Variants in UNC13B observed in about 807,000 individuals in gnomAD.
The protein encoded by UNC13B is unc-13 homolog B.
UNC13B carries 144 observed loss-of-function variants against 211.0 expected under a neutral mutation model. That is an observed-to-expected ratio of 0.68 (90% confidence interval 0.60 to 0.78). The LOEUF (loss-of-function observed/expected upper bound fraction) is 0.78. Ranked by LOEUF, UNC13B falls within the 30% of genes least tolerant of loss-of-function variation. The probability of loss-of-function intolerance (pLI) is 0.00; values close to 1 mark genes in which losing one functional copy is unlikely to be tolerated. For missense variants in UNC13B, 1,777 were observed against 2,002.0 expected, an observed-to-expected ratio of 0.89 and a Z score of 2.14; for synonymous variants, 709 against 725.8, an observed-to-expected ratio of 0.98 and a Z score of 0.37.
At position 35,366,987 on chromosome 9, in the gene UNC13B, C is replaced by G; in HGVS notation, c.9455C>G (p.Pro3152Arg). ...GACCCCTCTCTGCCTCAGTGGCTCC[C>G]GGAAGGGTAAGTAATTCACTGCAAG... is the stretch of plus-strand genomic sequence containing the variant. ...DGDPSLPQWLPEGPAGGLYGI... is the reference protein window; with the variant it reads ...DGDPSLPQWLREGPAGGLYGI... Residue 3152 changes from proline to arginine, a missense_variant, in exon 12 of 40, where the codon CCG (proline) becomes CGG (arginine). Pro to Arg is a moderately radical substitution (Grantham distance 103). Transcript: ENST00000635942. The G allele has an allele frequency of 6.2e-7, 1 of 1,613,658 alleles. No homozygotes were observed. Among genetic ancestry groups the G allele is most frequent in the Non-Finnish European group, 8.5e-7 (1 of 1,179,606 alleles).
At chr9:35,377,966 G>C (rs949328663) in intron 16 of UNC13B, among the ~76,000 whole-genome samples, 1 of 151,768 alleles carries the variant, frequency 6.6e-6, no homozygotes. Flanking sequence ...GATATTATAA[G>C]AGGTGGGGGG....
At chr9:35,318,578 G>A (rs1472663085) in intron 11 of UNC13B, among the ~76,000 whole-genome samples, 1 of 152,122 alleles carries the variant, frequency 6.6e-6, no homozygotes, top group Non-Finnish European at 1.5e-5. Flanking sequence ...TTTTGTATTT[G>A]GAGATCCTTC....
intron 11 of UNC13B, among the ~76,000 whole-genome samples, chr9:35,315,455 A>G (rs774077782): frequency 6.6e-6 from 1 of 152,184 alleles, no homozygotes; most frequent in Non-Finnish European, 1.5e-5. Context: ...AGATGCTCCA[A>G]CTATTCACAT....
intron 1 of UNC13B, among the ~76,000 whole-genome samples, chr9:35,185,997 C>A (rs907315092): frequency 6.6e-6 from 1 of 151,638 alleles, no homozygotes; most frequent in Non-Finnish European, 1.5e-5. Context: ...TGGACCTCCC[C>A]CCTTGGCCAA....
At chr9:35,297,561 T>TTTTTTTTTTTTGTTTTTTTG in intron 8 of UNC13B, among the ~76,000 whole-genome samples, 1,782 of 128,080 alleles carry the variant, frequency 0.014, 36 homozygotes, top group Non-Finnish European at 0.022. Flanking sequence ...TTTTTTTTTT[T>TTTTTTTTTTTTGTTTTTTTG]TTTTTTGAGA....
At chr9:35,367,301 G>A (rs1833835295) in intron 12 of UNC13B, among the ~76,000 whole-genome samples, 1 of 152,106 alleles carries the variant, frequency 6.6e-6, no homozygotes, top group East Asian at 1.9e-4. Flanking sequence ...TCTTTAAGTA[G>A]AACAAAGAGG....
chr9:35,173,887 G>A (rs188894523), intron 1 of UNC13B, among the ~76,000 whole-genome samples: 2 of 152,260 alleles, frequency 1.3e-5, no homozygotes, highest in African/African-American at 4.8e-5. Context: ...CTTTCCATAT[G>A]TTACCTCATC....
intron 26 of UNC13B, among the ~76,000 whole-genome samples, chr9:35,395,870 C>T (rs1048568464): frequency 3.2e-4 from 49 of 152,170 alleles, no homozygotes; most frequent in African/African-American, 1.1e-3. Flanking sequence ...TATTTGCATA[C>T]TTCCCTGAGA....
chr9:35,221,212 G>A (rs1824546801), intron 1 of UNC13B, among the ~76,000 whole-genome samples: 1 of 152,088 alleles, frequency 6.6e-6, no homozygotes, highest in African/African-American at 2.4e-5. Context: ...GGGACCACAG[G>A]TGCATGCCAC....
chr9:35,267,885 A>C (rs1239624683), intron 7 of UNC13B, among the ~76,000 whole-genome samples: 1 of 152,160 alleles, frequency 6.6e-6, no homozygotes, highest in Non-Finnish European at 1.5e-5. Context: ...GAATGGGGAA[A>C]TATCAAGATA....
intron 11 of UNC13B, among the ~76,000 whole-genome samples, chr9:35,348,651 A>G (rs1385392005): frequency 6.6e-6 from 1 of 152,232 alleles, no homozygotes; most frequent in Non-Finnish European, 1.5e-5. Flanking sequence ...GACTTGCCAC[A>G]TCAGTAGCAA....
At chr9:35,370,813 AG>A (rs1434902402) in intron 13 of UNC13B, among the ~76,000 whole-genome samples, 1 of 152,216 alleles carries the variant, frequency 6.6e-6, no homozygotes, top group African/African-American at 2.4e-5. Flanking sequence ...GTCAAGCAAA[AG>A]TCTCTTCTCA....
rs867383718 is a variant in UNC13B, at chr9:35,221,397, T to G, written c.23-6618T>G. On this transcript the variant is annotated intron_variant, in intron 1 of 39. Transcript: ENST00000635942. ...TCCGTCTTGTTTTGACAAATATCTATTCAGGTCTTTTGCCTGTTTTTAAAT... is the reference window on the plus strand; with the variant it reads ...TCCGTCTTGTTTTGACAAATATCTAGTCAGGTCTTTTGCCTGTTTTTAAAT... Among the ~76,000 whole-genome samples, 24 of 152,330 alleles carry G rather than the reference T, an allele frequency of 1.6e-4. 1 individual carries two copies. Among genetic ancestry groups the G allele is most frequent in the South Asian group, 6.2e-4 (3 of 4,828 alleles).
chr9:35,359,840 C>G (rs866493155), intron 11 of UNC13B, among the ~76,000 whole-genome samples: 22 of 152,190 alleles, frequency 1.4e-4, no homozygotes, highest in African/African-American at 5.3e-4. Flanking sequence ...CTTCTAGAAC[C>G]TTGTCCCTCT....
chr9:35,230,150 A>G (rs1015010182), intron 2 of UNC13B, among the ~76,000 whole-genome samples: 1 of 152,050 alleles, frequency 6.6e-6, no homozygotes, highest in African/African-American at 2.4e-5. Flanking sequence ...CAGGTTAGAG[A>G]ATTTCCTTTT....
At chr9:35,341,914 C>T (rs779952749) in intron 11 of UNC13B, 39 of 985,438 alleles carry the variant, frequency 4.0e-5, no homozygotes, top group Middle Eastern at 5.2e-4. Flanking sequence ...AGCCCAGAAT[C>T]GATTGAGTTA....
At chr9:35,389,798 C>G in intron 24 of UNC13B, 48 bp from the exon 25 acceptor site, 1 of 1,605,492 alleles carries the variant, frequency 6.2e-7, no homozygotes, top group Non-Finnish European at 8.5e-7. Context: ...CCTCTACATT[C>G]TACTCTGACT....
intron 11 of UNC13B, among the ~76,000 whole-genome samples, chr9:35,316,060 T>C (rs559150439): frequency 3.0e-4 from 45 of 152,216 alleles, no homozygotes; most frequent in Non-Finnish European, 5.4e-4. Context: ...CCTCTGTAAT[T>C]GTTAAGTGCC....
chr9:35,375,958 C>T (rs1834373505), intron 14 of UNC13B, 70 bp from the exon 15 acceptor site: 2 of 1,497,458 alleles, frequency 1.3e-6, no homozygotes, highest in Non-Finnish European at 1.9e-6. Context: ...CCAGCCTGGG[C>T]AACAGAGCAA....
Sources: gnomAD v4.1 joint callset for allele counts (sites outside exome capture counted in the v4.1 genomes callset) on GRCh38, gnomAD v4.1.1 for gene constraint, MANE v1.5 for transcripts, NCBI Gene and HGNC (gene_info 2026-07-23, HGNC 2026-07-21) for gene names.